Variants in PLXNA4 observed in about 807,000 individuals in gnomAD.
PLXNA4 encodes plexin A4, also known as plexin-A4.
In PLXNA4, 44 loss-of-function variants were observed where a neutral mutation model predicts 191.8. That is an observed-to-expected ratio of 0.23 (90% CI 0.18 to 0.29). The LOEUF is 0.29. Ranked by LOEUF, PLXNA4 falls within the 10% of genes least tolerant of loss-of-function variation. PLXNA4 has a pLI of 1.00. For synonymous variants in PLXNA4, 1,082 were observed against 1,009.5 expected, an observed-to-expected ratio of 1.07 and a Z score of -1.36; for missense variants, 1,800 against 2,488.8, an observed-to-expected ratio of 0.72 and a Z score of 5.89.
At chr7:132,413,498 C>T (rs1377899252) in intron 3 of PLXNA4, among the ~76,000 whole-genome samples, 11 of 152,180 alleles carry the variant, frequency 7.2e-5, no homozygotes, top group African/African-American at 2.2e-4. Flanking sequence ...ACCAAAGAGG[C>T]ACCCTCTGCC....
chr7:132,289,869 T>C (rs996209271), intron 4 of PLXNA4, among the ~76,000 whole-genome samples: 3 of 151,974 alleles, frequency 2.0e-5, no homozygotes, highest in African/African-American at 7.3e-5. Context: ...AGGGTCTCTC[T>C]ATGTTGCCCA....
At chr7:132,483,197 C>G (rs1797408130) in intron 3 of PLXNA4, among the ~76,000 whole-genome samples, 1 of 152,152 alleles carries the variant, frequency 6.6e-6, no homozygotes, top group Non-Finnish European at 1.5e-5. Context: ...ACTGCCTTCC[C>G]CATCAGAGTG....
At chr7:132,308,989 G>C (rs904837908) in intron 3 of PLXNA4, among the ~76,000 whole-genome samples, 1 of 152,148 alleles carries the variant, frequency 6.6e-6, no homozygotes, top group African/African-American at 2.4e-5. Flanking sequence ...GGGCAGGAGA[G>C]GGAGAAGAGG....
Position 132,385,254 on chromosome 7 carries a change from C to T in PLXNA4, c.1372-87032G>A, listed in dbSNP as rs369034925. The T allele has an allele frequency of 4.5e-5, 73 of 1,613,954 alleles. No individual in the cohort carries two copies. The highest frequency in any genetic ancestry group is 2.0e-4 in the East Asian group (9 of 44,854). ...CTGTTGCTCTGTGGGATCGGGGTCC[C>T]GTCTGTAGCTCAAGGGTAGGGCAGA... On this transcript the variant is annotated intron_variant, in intron 3 of 31. Transcript: ENST00000321063.
intron 3 of PLXNA4, among the ~76,000 whole-genome samples, chr7:132,443,248 G>A (rs1795762195): frequency 6.6e-6 from 1 of 152,118 alleles, no homozygotes; most frequent in Admixed American, 6.5e-5. Flanking sequence ...TACAGCCAAG[G>A]CAAATCCAAT....
At chr7:132,536,380 A>G (rs34960341) in intron 1 of PLXNA4, among the ~76,000 whole-genome samples, 1,934 of 152,288 alleles carry the variant, frequency 0.013, 18 homozygotes, top group Middle Eastern at 0.044. Flanking sequence ...ATTACAGAGG[A>G]CAAAGACTAA....
intron 21 of PLXNA4, among the ~76,000 whole-genome samples, chr7:132,170,059 T>C (rs1347165186): frequency 6.6e-6 from 1 of 152,046 alleles, no homozygotes; most frequent in Non-Finnish European, 1.5e-5. Context: ...AGGAGTGTCA[T>C]GTATACAGCA....
At chr7:132,456,357 C>A (rs1585161494) in intron 3 of PLXNA4, among the ~76,000 whole-genome samples, 1 of 152,176 alleles carries the variant, frequency 6.6e-6, no homozygotes, top group East Asian at 1.9e-4. Context: ...AGGCAATCCA[C>A]CTGCCTCGGC....
Position 132,200,354 on chromosome 7 carries a change from G to A in PLXNA4, c.2587-1718C>T, listed in dbSNP as rs529324374. On this transcript the variant is annotated intron_variant, in intron 12 of 31. Coordinates refer to ENST00000321063, the MANE Select transcript of PLXNA4 (RefSeq NM_020911.2). ...CTGGGAGGAGCCGTTCCACAGAGCAGGTGTGAAGGTGAGCGGTGGGGACTG... is the reference window on the plus strand; with the variant it reads ...CTGGGAGGAGCCGTTCCACAGAGCAAGTGTGAAGGTGAGCGGTGGGGACTG... 4.6e-5 allele frequency among the ~76,000 whole-genome samples: 7 copies of A among 152,302 alleles called. No homozygotes were observed. In the East Asian group the frequency reaches 1.4e-3, roughly 30 times the overall value.
At chr7:132,376,282 G>A (rs116636015) in intron 3 of PLXNA4, among the ~76,000 whole-genome samples, 1 of 152,108 alleles carries the variant, frequency 6.6e-6, no homozygotes. Flanking sequence ...AGCCTCTATT[G>A]CTCCGCAAGG....
intron 5 of PLXNA4, among the ~76,000 whole-genome samples, chr7:132,232,908 C>A (rs1375486587): frequency 6.6e-6 from 1 of 152,194 alleles, no homozygotes; most frequent in East Asian, 1.9e-4. Context: ...CCTGAGTGAA[C>A]CGCCAAGCTT....
chr7:132,208,237 C>T (rs1255772697), intron 10 of PLXNA4, among the ~76,000 whole-genome samples: 2 of 152,240 alleles, frequency 1.3e-5, no homozygotes, highest in Non-Finnish European at 2.9e-5. Flanking sequence ...CCCTCCTGAA[C>T]CATGTGATTC....
At chr7:132,422,767 C>A (rs1032778385) in intron 3 of PLXNA4, among the ~76,000 whole-genome samples, 2 of 152,236 alleles carry the variant, frequency 1.3e-5, no homozygotes, top group African/African-American at 2.4e-5. Flanking sequence ...CCTGGCCATA[C>A]ATAATCTCTC....
chr7:132,484,799 A>G, intron 3 of PLXNA4: 1 of 1,613,598 alleles, frequency 6.2e-7, no homozygotes, highest in Non-Finnish European at 8.5e-7. Flanking sequence ...AAGTGGATTC[A>G]AATTTCCAGA....
At chr7:132,259,143 T>A (rs1228883597) in intron 4 of PLXNA4, among the ~76,000 whole-genome samples, 1 of 151,644 alleles carries the variant, frequency 6.6e-6, no homozygotes. Context: ...CACTTCAGGG[T>A]TTAGAGTTCT....
intron 4 of PLXNA4, among the ~76,000 whole-genome samples, chr7:132,296,251 T>C (rs1303640264): frequency 6.6e-6 from 1 of 152,098 alleles, no homozygotes; most frequent in African/African-American, 2.4e-5. Flanking sequence ...GGATGCCTCA[T>C]TGCCAAGCCT....
chr7:132,371,266 T>C (rs1312298100), intron 3 of PLXNA4, among the ~76,000 whole-genome samples: 2 of 151,942 alleles, frequency 1.3e-5, no homozygotes, highest in African/African-American at 2.4e-5. Flanking sequence ...TATGGGAAGT[T>C]AAGACTGGGC....
At chr7:132,466,669 A>C (rs1585176588) in intron 3 of PLXNA4, among the ~76,000 whole-genome samples, 1 of 151,876 alleles carries the variant, frequency 6.6e-6, no homozygotes, top group Non-Finnish European at 1.5e-5. Context: ...TGTGAACAGC[A>C]CCCCCACAGC....
intron 31 of PLXNA4, 88 bp downstream of exon 31, chr7:132,132,961 C>A (rs752748957): frequency 3.9e-6 from 6 of 1,523,198 alleles, no homozygotes; most frequent in Non-Finnish European, 5.3e-6. Context: ...GTGTCTGTGG[C>A]GATGATCTCT....
Sources: allele counts gnomAD v4.1 joint callset (sites outside exome capture counted in the v4.1 genomes callset), GRCh38; gene constraint gnomAD v4.1.1; transcripts MANE v1.5; gene names NCBI Gene and HGNC (gene_info 2026-07-23, HGNC 2026-07-21).